AGPAT3: variants seen among roughly 807,000 people sequenced by gnomAD.
AGPAT3 encodes the protein 1-acyl-sn-glycerol-3-phosphate acyltransferase gamma.
A neutral mutation model predicts 47.3 loss-of-function variants in AGPAT3; 5 were observed. That is an observed-to-expected ratio of 0.11 (90% CI 0.06 to 0.22). AGPAT3 has a LOEUF of 0.22. Ranked by LOEUF, AGPAT3 falls within the 10% of genes least tolerant of loss-of-function variation. The pLI, the probability that AGPAT3 is intolerant of heterozygous loss-of-function variation, is 1.00. For missense variants in AGPAT3, 315 were observed against 493.0 expected (o/e 0.64, Z 3.42); for synonymous variants, 212 against 208.3 (o/e 1.02, Z -0.15).
At position 43,987,230 on chromosome 21, in the gene AGPAT3, G is replaced by A. The variant is rs917767979; in HGVS notation, c.*4838G>A. The stretch of plus-strand genomic sequence containing the variant: ...CCACCAGGCACTCCTGTCCCATGGG[G>A]CCACCCACCTTCAGAGCCCACTCCC... On this transcript the variant is annotated 3_prime_UTR_variant, in exon 10 of 10. Coordinates refer to ENST00000291572, the MANE Select transcript of AGPAT3 (RefSeq NM_020132.5). 1.3e-5 allele frequency among the ~76,000 whole-genome samples: 2 copies of A among 152,306 alleles called. No homozygotes were observed. The highest frequency in any genetic ancestry group is 6.5e-5 in the Admixed American group (1 of 15,288).
chr21:43,969,189 G>A lies in AGPAT3; in HGVS notation c.420G>A (p.Glu140=). 1.2e-6 allele frequency: 2 copies of A among 1,614,232 alleles called. No homozygotes were observed. The highest frequency in any genetic ancestry group is 1.7e-6 in the Non-Finnish European group (2 of 1,180,028). ...PLIGWTWYFL[E]IVFCKRKWEE... ...TCGGCTGGACGTGGTACTTTCTGGA[G>A]ATTGTGTTCTGCAAGCGGAAGTGGG... Residue 140 remains glutamate, a synonymous_variant, in exon 5 of 10, where the codon GAG becomes GAA. Coordinates refer to ENST00000291572, the MANE Select transcript of AGPAT3 (RefSeq NM_020132.5).
At chr21:43,973,498 G>A (rs931716017) in intron 7 of AGPAT3, among the ~76,000 whole-genome samples, 2 of 152,196 alleles carry the variant, frequency 1.3e-5, no homozygotes, top group African/African-American at 4.8e-5. Flanking sequence ...GTCAGCACTG[G>A]CCATGGAGGA....
At chr21:43,901,010 G>C (rs2086336993) in intron 1 of AGPAT3, among the ~76,000 whole-genome samples, 1 of 152,114 alleles carries the variant, frequency 6.6e-6, no homozygotes, top group Admixed American at 6.6e-5. Context: ...TCAATGGTTG[G>C]AAACATCCAG....
intron 2 of AGPAT3, among the ~76,000 whole-genome samples, chr21:43,928,661 T>C (rs1214686206): frequency 6.6e-6 from 1 of 152,226 alleles, no homozygotes; most frequent in African/African-American, 2.4e-5. Flanking sequence ...AGATTTCACG[T>C]CTGAAACTAC....
intron 1 of AGPAT3, 156 bp from the exon 2 acceptor site, chr21:43,903,801 G>A (rs1030089635): frequency 1.3e-5 from 2 of 152,294 alleles, no homozygotes; most frequent in Non-Finnish European, 2.9e-5. Flanking sequence ...TTTAAGTGAC[G>A]GAGTGTTTGG....
chr21:43,971,319 C>G, intron 6 of AGPAT3, 69 bp from the exon 7 acceptor site: 1 of 1,438,126 alleles, frequency 7.0e-7, no homozygotes, highest in Admixed American at 1.7e-5. Context: ...GTGGAACTTG[C>G]TTTTCCCTCT....
At chr21:43,959,521 A>G in intron 2 of AGPAT3, 113 bp from the exon 3 acceptor site, 3 of 901,172 alleles carry the variant, frequency 3.3e-6, no homozygotes, top group Non-Finnish European at 5.2e-6. Context: ...GCTGTGCAGC[A>G]TGTGTGTATA....
In AGPAT3 at chr21:43,983,916, TGAA is replaced by T. The variant is rs2029976743; in HGVS notation, c.*1528_*1530del. On this transcript the variant is annotated 3_prime_UTR_variant, in exon 10 of 10. Coordinates refer to ENST00000291572, the MANE Select transcript of AGPAT3 (RefSeq NM_020132.5). The stretch of plus-strand genomic sequence containing the variant: ...GGAAAACAAATGGAGAAAAGAGGCA[TGAA>T]GAAAAGTAAACCGAGAACATAATTA... 6.6e-6 allele frequency: 1 copy of T among 152,182 alleles called. No homozygotes were observed. The highest frequency in any genetic ancestry group is 1.5e-5 in the Non-Finnish European group (1 of 68,020). The allele number at this position is 152,182 out of a possible 1,614,324, so 9.4% of individuals were successfully genotyped here. A position where few individuals can be genotyped will look rare whatever the true frequency, so the allele number is the denominator to read the frequency against.
chr21:43,909,891 G>C (rs1269245107), intron 2 of AGPAT3, among the ~76,000 whole-genome samples: 1 of 152,146 alleles, frequency 6.6e-6, no homozygotes, highest in Non-Finnish European at 1.5e-5. Context: ...AGCCCGGTGG[G>C]GAGGGGGGCC....
chr21:43,876,103 T>C (rs1411448834), intron 1 of AGPAT3, among the ~76,000 whole-genome samples: 1 of 152,118 alleles, frequency 6.6e-6, no homozygotes, highest in East Asian at 1.9e-4. Context: ...TTAATTTTCA[T>C]TTTTTTAATA....
chr21:43,868,038 C>T lies in AGPAT3; in HGVS notation c.-112+2693C>T, dbSNP rs192657516. ...TTTAGGCAAGTGCATTAATCGTTCA[C>T]CTTCTGACAGGCTTTCATGTAGTCA... On this transcript the variant is annotated intron_variant, in intron 1 of 9. Transcript: ENST00000291572. Among the ~76,000 whole-genome samples, 161 of 152,342 alleles carry T rather than the reference C, an allele frequency of 1.1e-3. 2 individuals carry two copies. In the East Asian group the frequency reaches 0.027, roughly 26 times the overall value.
chr21:43,978,848 T>C (rs916960900), intron 8 of AGPAT3, among the ~76,000 whole-genome samples: 2 of 152,234 alleles, frequency 1.3e-5, no homozygotes, highest in Non-Finnish European at 2.9e-5. Flanking sequence ...CCCCACGGCT[T>C]ACTCAGCCCA....
At chr21:43,968,654 G>T (rs1420980747) in intron 4 of AGPAT3, among the ~76,000 whole-genome samples, 2 of 152,048 alleles carry the variant, frequency 1.3e-5, no homozygotes, top group African/African-American at 4.8e-5. Context: ...CTGGCCCGCA[G>T]GGCCTCAGCT....
rs548417683 is a variant in AGPAT3, at chr21:43,930,331, T to C, written c.-49+26312T>C. On this transcript the variant is annotated intron_variant, in intron 2 of 9. Transcript: ENST00000291572. This position sits in a 1 kb window ranked among gnomAD's most constrained non-coding sequence, Gnocchi z 5.0. ...CCTGGGCCTGCCAGTGACTTTGTGG[T>C]CCTGGGCAGGATTATTTTCAGAGGC... is the stretch of plus-strand genomic sequence containing the variant. Among the ~76,000 whole-genome samples the C allele has an allele frequency of 1.2e-3, 185 of 152,190 alleles. 1 individual carries two copies. The highest frequency in any genetic ancestry group is 4.3e-3 in the African/African-American group (179 of 41,530).
In AGPAT3 at chr21:43,982,644, C is replaced by T. The variant is rs562237969; in HGVS notation, c.*252C>T. ...GGTGGGTCCGGCCGGAGAGGCCTCC[C>T]GCGGACGCCGTCTCTCCAGAACTCC... is the stretch of plus-strand genomic sequence containing the variant. On this transcript the variant is annotated 3_prime_UTR_variant, in exon 10 of 10. Transcript: ENST00000291572. This position sits in a 1 kb window ranked among gnomAD's most constrained non-coding sequence, Gnocchi z 6.2. The T allele has an allele frequency of 1.8e-5, 6 of 333,504 alleles. No individual in the cohort carries two copies. Among genetic ancestry groups the T allele is most frequent in the South Asian group, 7.3e-5 (2 of 27,586 alleles). 20.7% of individuals were successfully genotyped at this position (333,504 alleles called of 1,614,324 possible).
chr21:43,906,560 A>G (rs191201301), intron 2 of AGPAT3, among the ~76,000 whole-genome samples: 1 of 152,116 alleles, frequency 6.6e-6, no homozygotes, highest in African/African-American at 2.4e-5. Context: ...GTTGATGAGG[A>G]GGTGGGATGG....
rs2030273499 is a variant in AGPAT3 at position 43,986,120 on chromosome 21, C to T, written c.*3728C>T. On this transcript the variant is annotated 3_prime_UTR_variant, in exon 10 of 10. Coordinates refer to ENST00000291572, the MANE Select transcript of AGPAT3 (RefSeq NM_020132.5). ...GGCTCCGTATTCCTGCCTATCGGGG[C>T]CAGGATGCAAAAACAATTTTTGCGT... 1 of 152,208 alleles carries T rather than the reference C, an allele frequency of 6.6e-6. No individual in the cohort carries two copies. Among genetic ancestry groups the T allele is most frequent in the Admixed American group, 6.5e-5 (1 of 15,286 alleles). The allele number at this position is 152,208 out of a possible 1,614,324, so 9.4% of individuals were successfully genotyped here.
At position 43,981,654 on chromosome 21, in the gene AGPAT3, G is replaced by A. The variant is rs914903842; in HGVS notation, c.1042+467G>A. Among the ~76,000 whole-genome samples, 1 of 152,110 alleles carries A rather than the reference G, an allele frequency of 6.6e-6. No homozygotes were observed. Among genetic ancestry groups the A allele is most frequent in the East Asian group, 1.9e-4 (1 of 5,178 alleles). Reference sequence around the variant, plus strand: ...CACCACGACTCATCAGCTAGCCTGGGGCCGAACAGACACCCAGCCTGTCCC... The same window carrying A: ...CACCACGACTCATCAGCTAGCCTGGAGCCGAACAGACACCCAGCCTGTCCC... On this transcript the variant is annotated intron_variant, in intron 9 of 9. Coordinates refer to ENST00000291572, the MANE Select transcript of AGPAT3 (RefSeq NM_020132.5). This position sits in a 1 kb window ranked among gnomAD's most constrained non-coding sequence, Gnocchi z 5.3.
intron 3 of AGPAT3, among the ~76,000 whole-genome samples, chr21:43,960,303 T>C (rs2088768130): frequency 6.6e-6 from 1 of 152,204 alleles, no homozygotes; most frequent in Non-Finnish European, 1.5e-5. Flanking sequence ...CATGTGTAGC[T>C]GTGTGTCTGT....
Sources: allele counts gnomAD v4.1 joint callset (sites outside exome capture counted in the v4.1 genomes callset), GRCh38; gene constraint gnomAD v4.1.1; non-coding constraint Gnocchi (gnomAD v3.1); transcripts MANE v1.5; gene names NCBI Gene and HGNC (gene_info 2026-07-23, HGNC 2026-07-21).